Variants in CEP192 observed in about 807,000 individuals in gnomAD.
CEP192 encodes centrosomal protein of 192 kDa.
A neutral mutation model predicts 271.8 loss-of-function variants in CEP192; 151 were observed. The observed-to-expected ratio is 0.56, with a 90% CI of 0.49 to 0.64. The LOEUF is 0.64. CEP192 is among the 30% of genes least tolerant of loss of function. CEP192 has a pLI of 0.00. For synonymous variants in CEP192, 995 were observed against 1,076.5 expected (o/e 0.92, Z 1.48); for missense variants, 2,910 against 3,020.5 (o/e 0.96, Z 0.86).
intron 3 of CEP192, among the ~76,000 whole-genome samples, 152 bp downstream of exon 3, chr18:13,001,734 C>T (rs1339033824): frequency 6.6e-6 from 1 of 152,220 alleles, no homozygotes; most frequent in Non-Finnish European, 1.5e-5. Context: ...GAGTTTCACT[C>T]ACTCCATTGC....
chr18:13,058,870 C>G lies in CEP192; in HGVS notation c.4258-212C>G, dbSNP rs75501514. The G allele has an allele frequency of 5.9e-3, 3,318 of 558,254 alleles. 80 individuals are homozygous for G. Among genetic ancestry groups the G allele is most frequent in the African/African-American group, 0.048 (2,529 of 53,032 alleles). The allele number at this position is 558,254 out of a possible 1,614,324, so 34.6% of individuals were successfully genotyped here. A position where few individuals can be genotyped will look rare whatever the true frequency, so the allele number is the denominator to read the frequency against. On this transcript the variant is annotated intron_variant, in intron 20 of 44. Coordinates refer to ENST00000506447, the MANE Select transcript of CEP192 (RefSeq NM_032142.4). ...GCTTGGAGGTGGACTGGGGAGACAGCCTTGGTGCAGCAAGAACATTCAACT... is the reference window on the plus strand; with the variant it reads ...GCTTGGAGGTGGACTGGGGAGACAGGCTTGGTGCAGCAAGAACATTCAACT...
intron 30 of CEP192, among the ~76,000 whole-genome samples, chr18:13,083,381 T>A (rs552164886): frequency 3.3e-5 from 5 of 152,358 alleles, no homozygotes; most frequent in Admixed American, 6.5e-5. Context: ...CAATCACTGA[T>A]ATCCTTTCGC....
intron 21 of CEP192, among the ~76,000 whole-genome samples, chr18:13,065,915 G>GT (rs2037673091): frequency 6.6e-6 from 1 of 152,142 alleles, no homozygotes. Context: ...TAGGTGACAT[G>GT]TTTCTTTTAT....
intron 30 of CEP192, among the ~76,000 whole-genome samples, chr18:13,077,172 G>A (rs1219548137): frequency 2.0e-5 from 3 of 152,186 alleles, no homozygotes; most frequent in African/African-American, 7.2e-5. Flanking sequence ...TTTTAGTTAA[G>A]TACATAACAA....
intron 21 of CEP192, among the ~76,000 whole-genome samples, chr18:13,060,420 A>G (rs968339804): frequency 9.9e-5 from 15 of 152,202 alleles, no homozygotes; most frequent in African/African-American, 3.1e-4. Flanking sequence ...AAGGCCTAGG[A>G]CATTACTGTA....
At chr18:13,082,830 C>G (rs1349774448) in intron 30 of CEP192, among the ~76,000 whole-genome samples, 5 of 152,162 alleles carry the variant, frequency 3.3e-5, no homozygotes, top group Admixed American at 2.0e-4. Flanking sequence ...GTGACAAAAT[C>G]TCTCAGCGTT....
chr18:13,031,027 A>G (rs529171453), intron 11 of CEP192, among the ~76,000 whole-genome samples: 27 of 151,904 alleles, frequency 1.8e-4, no homozygotes, highest in African/African-American at 6.6e-4. Context: ...ATACAGTGAA[A>G]TCTCAAGGGA....
At chr18:13,109,605 A>G (rs916745455) in intron 40 of CEP192, among the ~76,000 whole-genome samples, 3 of 152,174 alleles carry the variant, frequency 2.0e-5, no homozygotes, top group Non-Finnish European at 4.4e-5. Context: ...GGTGTCATAC[A>G]TCTATTTTAA....
chr18:13,053,095 G>T lies in CEP192; in HGVS notation c.3189+5G>T, dbSNP rs775805590. On this transcript the variant is annotated splice_donor_5th_base_variant and intron_variant, in intron 18 of 44. Transcript: ENST00000506447. ...GATGCCCTGGAGGACCGCAAGGTGG[G>T]CAGCCACTTGGATTATTTATTACTA... is the stretch of plus-strand genomic sequence containing the variant. The T allele has an allele frequency of 1.3e-6, 2 of 1,594,694 alleles. No homozygotes were observed. Among genetic ancestry groups the T allele is most frequent in the East Asian group, 4.5e-5 (2 of 44,634 alleles).
chr18:13,093,845 A>G (rs2039264035), intron 34 of CEP192, among the ~76,000 whole-genome samples: 1 of 152,256 alleles, frequency 6.6e-6, no homozygotes, highest in South Asian at 2.1e-4. Flanking sequence ...AGCATTCCAT[A>G]GATAAGGACA....
At chr18:13,048,028 C>T (rs1294408555) in intron 15 of CEP192, among the ~76,000 whole-genome samples, 1 of 152,116 alleles carries the variant, frequency 6.6e-6, no homozygotes, top group African/African-American at 2.4e-5. Context: ...GGATATTTAA[C>T]TGGTATGCCC....
chr18:13,045,941 A>G (rs899364448), intron 15 of CEP192, among the ~76,000 whole-genome samples: 2 of 152,132 alleles, frequency 1.3e-5, no homozygotes, highest in Non-Finnish European at 2.9e-5. Context: ...TTTATATTTC[A>G]GATGTTATAG....
intron 17 of CEP192, among the ~76,000 whole-genome samples, chr18:13,051,837 C>G (rs1299656563): frequency 1.3e-5 from 2 of 152,222 alleles, no homozygotes; most frequent in Non-Finnish European, 1.5e-5. Context: ...GCCAACGCAC[C>G]CAGCCAATTT....
intron 44 of CEP192, among the ~76,000 whole-genome samples, chr18:13,120,632 G>A (rs2040617527): frequency 6.6e-6 from 1 of 152,168 alleles, no homozygotes; most frequent in Non-Finnish European, 1.5e-5. Context: ...AAACTTTAAT[G>A]CTTTGAAGAT....
At position 13,067,877 on chromosome 18, in the gene CEP192, A is replaced by T. The variant is rs1038301464; in HGVS notation, c.4535A>T (p.Tyr1512Phe). The T allele has an allele frequency of 2.5e-6, 4 of 1,612,856 alleles. No homozygotes were observed. Among genetic ancestry groups the T allele is most frequent in the Non-Finnish European group, 3.4e-6 (4 of 1,178,844 alleles). The change falls in exon 22 of 45, where the codon TAT (tyrosine) becomes TTT (phenylalanine). Residue 1512 changes from tyrosine to phenylalanine, a missense_variant. Coordinates refer to ENST00000506447, the MANE Select transcript of CEP192 (RefSeq NM_032142.4). ...GTTCTTGATTTTGGTGACTTGACTT[A>T]TGGAGGCTGGAAAGCCCTCCCACTA... ...KDVLDFGDLT[Y>F]GGWKALPLKL...
chr18:13,065,954 T>G (rs962019744), intron 21 of CEP192, among the ~76,000 whole-genome samples: 63 of 152,222 alleles, frequency 4.1e-4, no homozygotes, highest in African/African-American at 1.4e-3. Context: ...AATGGCCTAG[T>G]TAGTAAACTA....
At chr18:13,099,604 T>G (rs111620303) in intron 37 of CEP192, 23 bp downstream of exon 37, 39 of 1,259,220 alleles carry the variant, frequency 3.1e-5, no homozygotes, top group Non-Finnish European at 3.6e-5. Context: ...GTGGTTTGGT[T>G]TTTTTTTTGA....
At chr18:13,062,802 T>TGCTG (rs1360576319) in intron 21 of CEP192, among the ~76,000 whole-genome samples, 1 of 152,214 alleles carries the variant, frequency 6.6e-6, no homozygotes, top group Non-Finnish European at 1.5e-5. Context: ...CATCCTATTG[T>TGCTG]GCTGTCAAAT....
At position 13,056,074 on chromosome 18, in the gene CEP192, T is replaced by A. The variant is rs752964720; in HGVS notation, c.3484T>A (p.Leu1162Met). Residue 1162 changes from leucine to methionine, a missense_variant, in exon 19 of 45, where the codon TTG becomes ATG. Leu to Met is a conservative substitution (Grantham distance 15). Coordinates refer to ENST00000506447, the MANE Select transcript of CEP192 (RefSeq NM_032142.4). ...AGGTTGGACATCAAACCCTGAGGAA[T>A]TGGACCCGATCAGGCTGGCTCTCCT... ...EVGWTSNPEE[L>M]DPIRLALLGK... The A allele has an allele frequency of 6.2e-7, 1 of 1,613,942 alleles. No individual in the cohort carries two copies. The highest frequency in any genetic ancestry group is 1.3e-5 in the African/African-American group (1 of 74,928).
Sources: allele counts gnomAD v4.1 joint callset (sites outside exome capture counted in the v4.1 genomes callset), GRCh38; gene constraint gnomAD v4.1.1; transcripts MANE v1.5; gene names NCBI Gene and HGNC (gene_info 2026-07-23, HGNC 2026-07-21).